DHTKD1: variants seen among roughly 807,000 people sequenced by gnomAD.
DHTKD1 encodes the protein dehydrogenase E1 and transketolase domain containing 1.
DHTKD1 carries 78 observed loss-of-function variants against 101.8 expected under a neutral mutation model. The ratio of observed to expected loss-of-function variants is 0.77; its 90% CI spans 0.64 to 0.93. The LOEUF (loss-of-function observed/expected upper bound fraction) is 0.93, where lower values mean the gene tolerates loss of function less well. DHTKD1 is among the 40% of genes least tolerant of loss of function. The probability of loss-of-function intolerance (pLI) is 0.00; values close to 1 mark genes in which losing one functional copy is unlikely to be tolerated. For synonymous variants in DHTKD1, 462 were observed against 450.3 expected, an observed-to-expected ratio of 1.03 and a Z score of -0.33; for missense variants, 1,223 against 1,161.7, an observed-to-expected ratio of 1.05 and a Z score of -0.77.
At chr10:12,077,341 C>T (rs1832749924) in intron 1 of DHTKD1, among the ~76,000 whole-genome samples, 1 of 152,010 alleles carries the variant, frequency 6.6e-6, no homozygotes, top group African/African-American at 2.4e-5. Context: ...AATTCTCCTA[C>T]TTCATCTTCC....
intron 3 of DHTKD1, among the ~76,000 whole-genome samples, chr10:12,085,094 C>T (rs868224460): frequency 4.6e-5 from 7 of 152,076 alleles, no homozygotes; most frequent in Middle Eastern, 3.4e-3. Flanking sequence ...AGGTCAGCCT[C>T]ACTGCCTATA....
chr10:12,104,045 G>A (rs895793370), intron 10 of DHTKD1, among the ~76,000 whole-genome samples: 2 of 151,954 alleles, frequency 1.3e-5, no homozygotes, highest in East Asian at 3.8e-4. Flanking sequence ...CTCATCGACT[G>A]TTTGTTTCTA....
intron 15 of DHTKD1, among the ~76,000 whole-genome samples, chr10:12,119,439 C>A (rs1833481521): frequency 6.6e-6 from 1 of 150,860 alleles, no homozygotes; most frequent in African/African-American, 2.4e-5. Flanking sequence ...CACAGTGAAA[C>A]CCCGTCTCTA....
intron 8 of DHTKD1, among the ~76,000 whole-genome samples, chr10:12,099,970 A>G (rs1283210884): frequency 4.0e-5 from 6 of 151,530 alleles, no homozygotes; most frequent in Non-Finnish European, 7.4e-5. Flanking sequence ...TAATTTTTGT[A>G]TTTTTAGTAG....
chr10:12,118,613 A>T (rs1833461393), intron 14 of DHTKD1, 136 bp from the exon 15 acceptor site: 2 of 486,540 alleles, frequency 4.1e-6, no homozygotes, highest in South Asian at 4.7e-5. Flanking sequence ...TGATTTCCTG[A>T]CCTCGTGATC....
At chr10:12,076,582 C>T (rs554247418) in intron 1 of DHTKD1, among the ~76,000 whole-genome samples, 32 of 152,290 alleles carry the variant, frequency 2.1e-4, no homozygotes, top group African/African-American at 7.0e-4. Flanking sequence ...CCTGTAATCC[C>T]AGCTACTTGG....
Position 12,083,034 on chromosome 10 carries a change from G to A in DHTKD1, c.310+1407G>A, listed in dbSNP as rs147253519. Among the ~76,000 whole-genome samples, 1,152 of 152,112 alleles carry A rather than the reference G, an allele frequency of 7.6e-3. 4 individuals carry two copies. The highest frequency in any genetic ancestry group is 0.012 in the Non-Finnish European group (820 of 67,966). The stretch of plus-strand genomic sequence containing the variant: ...CAGGCACCTGTAGTCCCAGCTACTC[G>A]GGAGGCTGAGGCAAAAAAAAGGAGC... On this transcript the variant is annotated intron_variant, in intron 2 of 16. Coordinates refer to ENST00000263035, the MANE Select transcript of DHTKD1 (RefSeq NM_018706.7).
Position 12,091,017 on chromosome 10 carries a change from G to A in DHTKD1, c.988-496G>A, listed in dbSNP as rs370575676. 1.5e-4 allele frequency among the ~76,000 whole-genome samples: 23 copies of A among 151,388 alleles called. No individual in the cohort carries two copies. In the East Asian group the frequency reaches 2.6e-3, roughly 17 times the overall value. Reference sequence around the variant, plus strand: ...TGCAGTGAGCCGAGATTGCGCCACCGCACTCCCGCCTGGGCAACAGAGCGA... The same window carrying A: ...TGCAGTGAGCCGAGATTGCGCCACCACACTCCCGCCTGGGCAACAGAGCGA... On this transcript the variant is annotated intron_variant, in intron 5 of 16. Coordinates refer to ENST00000263035, the MANE Select transcript of DHTKD1 (RefSeq NM_018706.7).
Position 12,069,074 on chromosome 10 carries a change from G to C in DHTKD1, c.41G>C (p.Gly14Ala), listed in dbSNP as rs747408194. Residue 14 changes from glycine to alanine, a missense_variant, in exon 1 of 17, where the codon GGC becomes GCC. Gly to Ala is a moderately conservative substitution (Grantham distance 60). Coordinates refer to ENST00000263035, the MANE Select transcript of DHTKD1 (RefSeq NM_018706.7). ...ATAAAARRGL[G>A]RALPLFWRGY... ...GCGGCAGCAGCACGACGGGGCCTCG[G>C]CCGGGCTCTCCCTCTCTTCTGGCGT... 20 of 1,612,980 alleles carry C rather than the reference G, an allele frequency of 1.2e-5. No homozygotes were observed. The East Asian group carries it at 4.5e-4, about 36-fold the overall frequency.
At chr10:12,074,084 CTGTT>C (rs755656140) in intron 1 of DHTKD1, among the ~76,000 whole-genome samples, 18 of 152,234 alleles carry the variant, frequency 1.2e-4, no homozygotes, top group Admixed American at 2.0e-4. Context: ...GAACAGTAAA[CTGTT>C]TGGGCGGTAT....
Position 12,069,192 on chromosome 10 carries a change from G to C in DHTKD1, c.154+5G>C, listed in dbSNP as rs1194392014. On this transcript the variant is annotated splice_donor_5th_base_variant and intron_variant, in intron 1 of 16. Coordinates refer to ENST00000263035, the MANE Select transcript of DHTKD1 (RefSeq NM_018706.7). ...GCGCCCTGGAGCGCCCCCCAGGTCG[G>C]GGATGGGGCCCGGGCGGTGGGAGCG... is the stretch of plus-strand genomic sequence containing the variant. 2 of 1,543,786 alleles carry C rather than the reference G, an allele frequency of 1.3e-6. No individual in the cohort carries two copies. Among genetic ancestry groups the C allele is most frequent in the Middle Eastern group, 2.2e-4 (1 of 4,458 alleles).
chr10:12,106,481 A>G, intron 11 of DHTKD1, 85 bp downstream of exon 11: 6 of 1,551,572 alleles, frequency 3.9e-6, no homozygotes, highest in Non-Finnish European at 5.3e-6. Context: ...AAAAGGGGCC[A>G]CTGCTGCCTT....
chr10:12,096,333 T>G (rs758848805), intron 7 of DHTKD1, among the ~76,000 whole-genome samples: 3 of 152,190 alleles, frequency 2.0e-5, no homozygotes, highest in African/African-American at 4.8e-5. Flanking sequence ...TTGTGTTCTG[T>G]TTAGCTCTGA....
chr10:12,091,492 TCCC>T lies in DHTKD1; in HGVS notation c.988-19_988-17del. 1 of 1,443,346 alleles carries T rather than the reference TCCC, an allele frequency of 6.9e-7. No individual in the cohort carries two copies. Among genetic ancestry groups the T allele is most frequent in the Non-Finnish European group, 9.3e-7 (1 of 1,074,784 alleles). 89.4% of individuals were successfully genotyped at this position (1,443,346 alleles called of 1,614,324 possible). On this transcript the variant is annotated intron_variant, in intron 5 of 16. Transcript: ENST00000263035. ...TTATGTTTCTTTTCTCCCCACCCGC[TCCC>T]CTTGCCTCATGATTTAGGTCCATGG...
At chr10:12,091,256 C>CA (rs1456296830) in intron 5 of DHTKD1, among the ~76,000 whole-genome samples, 3 of 150,960 alleles carry the variant, frequency 2.0e-5, no homozygotes, top group Non-Finnish European at 3.0e-5. Flanking sequence ...ACTAAAAATA[C>CA]AAAAAATTAG....
chr10:12,081,023 G>A (rs144701454), intron 1 of DHTKD1, among the ~76,000 whole-genome samples: 3,381 of 151,904 alleles, frequency 0.022, 51 homozygotes, highest in Middle Eastern at 0.075. Flanking sequence ...GTTCTTGGCC[G>A]GGTGCGGTGG....
chr10:12,097,970 A>T lies in DHTKD1; in HGVS notation c.1645A>T (p.Ser549Cys). Residue 549 changes from serine to cysteine, a missense_variant, in exon 8 of 17, where the codon AGT (serine) becomes TGT (cysteine). Physicochemically the swap from Ser to Cys is moderately radical, Grantham distance 112. Coordinates refer to ENST00000263035, the MANE Select transcript of DHTKD1 (RefSeq NM_018706.7). ...VEVPRELQMH[S>C]HLLKTHVQSR... ...GGTGCCAAGAGAGCTGCAGATGCAC[A>T]GTCACCTGCTGAAGACACATGTTCA... is the stretch of plus-strand genomic sequence containing the variant. 1 of 1,612,238 alleles carries T rather than the reference A, an allele frequency of 6.2e-7. No individual in the cohort carries two copies. Among genetic ancestry groups the T allele is most frequent in the Non-Finnish European group, 8.5e-7 (1 of 1,178,604 alleles).
chr10:12,069,112 G>A lies in DHTKD1; in HGVS notation c.79G>A (p.Glu27Lys), dbSNP rs1214798680. ...TCTCTTCTGGCGTGGCTACCAGACC[G>A]AGCGGGGCGTTTACGGCTACCGGCC... Reference protein sequence around the residue: ...LPLFWRGYQTERGVYGYRPRK... With the variant: ...LPLFWRGYQTKRGVYGYRPRK... The change falls in exon 1 of 17, where the codon GAG becomes AAG. Residue 27 changes from glutamate (E) to lysine (K), a missense_variant. Transcript: ENST00000263035. 2.2e-5 allele frequency: 35 copies of A among 1,610,114 alleles called. No individual in the cohort carries two copies. Among genetic ancestry groups the A allele is most frequent in the Non-Finnish European group, 2.5e-5 (30 of 1,178,958 alleles).
rs60233844 is a variant in DHTKD1, at chr10:12,121,238, A to AC, written c.*353dup. ...GCGTTTCAAAAAAAAAAAAAAAAAA[A>AC]CCCATTAAAAGAGGCCTCCTTCCTC... On this transcript the variant is annotated 3_prime_UTR_variant, in exon 17 of 17. Coordinates refer to ENST00000263035, the MANE Select transcript of DHTKD1 (RefSeq NM_018706.7). The AC allele has an allele frequency of 4.0e-3, 906 of 224,092 alleles. 8 individuals carry two copies. Among genetic ancestry groups the AC allele is most frequent in the African/African-American group, 0.019 (844 of 43,378 alleles). The allele number at this position is 224,092 out of a possible 1,614,324, so 13.9% of individuals were successfully genotyped here. A position where few individuals can be genotyped will look rare whatever the true frequency, so the allele number is the denominator to read the frequency against.
Sources: gnomAD v4.1 joint callset for allele counts (sites outside exome capture counted in the v4.1 genomes callset) on GRCh38, gnomAD v4.1.1 for gene constraint, MANE v1.5 for transcripts, NCBI Gene and HGNC (gene_info 2026-07-23, HGNC 2026-07-21) for gene names.